The following NLGN1 variants were observed in gnomAD, a reference collection of about 807,000 sequenced individuals.
NLGN1 encodes neuroligin-1.
A neutral mutation model predicts 65.5 loss-of-function variants in NLGN1; 12 were observed. The ratio of observed to expected loss-of-function variants is 0.18; its 90% confidence interval spans 0.12 to 0.30. NLGN1 has a LOEUF of 0.30. NLGN1 is among the 10% of genes least tolerant of loss of function. The probability of loss-of-function intolerance (pLI) is 1.00; values close to 1 mark genes in which losing one functional copy is unlikely to be tolerated. For missense variants in NLGN1, 750 were observed against 1,007.1 expected, an observed-to-expected ratio of 0.74 and a Z score of 3.46; for synonymous variants, 350 against 359.5, an observed-to-expected ratio of 0.97 and a Z score of 0.30.
At chr3:173,806,109 T>C (rs1716585068) in intron 3 of NLGN1, among the ~76,000 whole-genome samples, 1 of 152,142 alleles carries the variant, frequency 6.6e-6, no homozygotes, top group African/African-American at 2.4e-5. Flanking sequence ...AGTAACTTTA[T>C]ACACTGGTAT....
intron 3 of NLGN1, among the ~76,000 whole-genome samples, chr3:173,621,976 T>C (rs913479349): frequency 1.3e-5 from 2 of 152,098 alleles, no homozygotes; most frequent in Non-Finnish European, 1.5e-5. Flanking sequence ...AATATTAACC[T>C]CATCAATTCA....
At chr3:173,983,628 C>G (rs577942502) in intron 4 of NLGN1, among the ~76,000 whole-genome samples, 1 of 152,068 alleles carries the variant, frequency 6.6e-6, no homozygotes, top group Non-Finnish European at 1.5e-5. Context: ...GTCTCTGACT[C>G]GTGCCCAGTA....
At chr3:173,628,632 G>T (rs1055032990) in intron 3 of NLGN1, among the ~76,000 whole-genome samples, 3 of 151,706 alleles carry the variant, frequency 2.0e-5, no homozygotes, top group African/African-American at 7.3e-5. Context: ...CTTACTTGGG[G>T]TCTGATGTAG....
intron 4 of NLGN1, among the ~76,000 whole-genome samples, chr3:173,962,303 G>A (rs889515835): frequency 2.6e-5 from 4 of 152,056 alleles, no homozygotes; most frequent in Admixed American, 1.3e-4. Flanking sequence ...ATATTAGGAA[G>A]AGGTTAAATA....
intron 4 of NLGN1, among the ~76,000 whole-genome samples, chr3:174,024,153 A>C (rs1314150031): frequency 5.3e-5 from 8 of 151,582 alleles, no homozygotes; most frequent in African/African-American, 1.4e-4. Flanking sequence ...AAAAAAAAAA[A>C]AAAAAAAAAA....
chr3:173,810,269 A>G (rs1717610903), intron 4 of NLGN1, among the ~76,000 whole-genome samples: 2 of 152,236 alleles, frequency 1.3e-5, no homozygotes, highest in Admixed American at 1.3e-4. Context: ...CAGAACTGCA[A>G]CAATAAAGAC....
At chr3:173,957,855 G>T (rs150155601) in intron 4 of NLGN1, among the ~76,000 whole-genome samples, 400 of 152,304 alleles carry the variant, frequency 2.6e-3, no homozygotes, top group African/African-American at 9.2e-3. Flanking sequence ...AGCCTGGCAG[G>T]CTGTGCTCAG....
At chr3:173,918,656 A>C (rs2152252758) in intron 4 of NLGN1, among the ~76,000 whole-genome samples, 1 of 112,878 alleles carries the variant, frequency 8.9e-6, no homozygotes, top group East Asian at 2.5e-4. Flanking sequence ...AAAAAGAAAT[A>C]CATATGTGTG....
At position 173,569,962 on chromosome 3, in the gene NLGN1, A is replaced by G. The variant is rs989635380; in HGVS notation, c.-320-34317A>G. On this transcript the variant is annotated intron_variant, in intron 2 of 6. Coordinates refer to ENST00000457714, the Ensembl canonical transcript of NLGN1. ...TCTGATTATGATACTCAATAGATTCAAAATGCTGGGGAACAAAGGTAGGAA... is the reference window on the plus strand; with the variant it reads ...TCTGATTATGATACTCAATAGATTCGAAATGCTGGGGAACAAAGGTAGGAA... Among the ~76,000 whole-genome samples the G allele has an allele frequency of 6.7e-4, 102 of 152,342 alleles. 1 individual carries two copies. Among genetic ancestry groups the G allele is most frequent in the African/African-American group, 2.3e-3 (96 of 41,572 alleles).
chr3:173,992,988 C>T (rs549952395), intron 4 of NLGN1, among the ~76,000 whole-genome samples: 35 of 152,130 alleles, frequency 2.3e-4, no homozygotes, highest in Admixed American at 4.6e-4. Flanking sequence ...GATTGTGTGG[C>T]GTAATAGTAC....
intron 4 of NLGN1, among the ~76,000 whole-genome samples, chr3:173,963,587 G>A (rs1183622686): frequency 2.6e-5 from 4 of 151,782 alleles, no homozygotes; most frequent in African/African-American, 7.3e-5. Flanking sequence ...TTTGTGGACT[G>A]AGAAGAAAAA....
intron 4 of NLGN1, among the ~76,000 whole-genome samples, chr3:174,242,013 C>G (rs778978511): frequency 5.9e-5 from 9 of 152,134 alleles, no homozygotes; most frequent in Non-Finnish European, 1.2e-4. Flanking sequence ...AGCTCTGTTT[C>G]ATGAAGCACT....
chr3:173,929,084 G>A (rs1743561538), intron 4 of NLGN1, among the ~76,000 whole-genome samples: 1 of 152,086 alleles, frequency 6.6e-6, no homozygotes, highest in Non-Finnish European at 1.5e-5. Context: ...AGTGAAATAG[G>A]TTCTATGTAT....
At position 173,438,046 on chromosome 3, in the gene NLGN1, A is replaced by G. The variant is rs7340577; in HGVS notation, c.-321+2968A>G. 5.5e-4 allele frequency among the ~76,000 whole-genome samples: 83 copies of G among 152,086 alleles called. 1 individual carries two copies. The highest frequency in any genetic ancestry group is 1.9e-3 in the African/African-American group (77 of 41,448). On this transcript the variant is annotated intron_variant, in intron 2 of 6. Coordinates refer to ENST00000457714, the Ensembl canonical transcript of NLGN1. Reference sequence around the variant, plus strand: ...GATTTTTTTTTAACATTGCAGATTTATTATCAAGGGAAGTGAGTCCTGAAG... The same window carrying G: ...GATTTTTTTTTAACATTGCAGATTTGTTATCAAGGGAAGTGAGTCCTGAAG...
chr3:173,898,651 A>G (rs1262784814), intron 4 of NLGN1, among the ~76,000 whole-genome samples: 1 of 152,162 alleles, frequency 6.6e-6, no homozygotes, highest in East Asian at 1.9e-4. Context: ...TTGGGTGTGT[A>G]TGTTTTACAG....
chr3:173,495,611 G>A (rs1390857839), intron 2 of NLGN1, among the ~76,000 whole-genome samples: 1 of 146,970 alleles, frequency 6.8e-6, no homozygotes, highest in Non-Finnish European at 1.5e-5. Flanking sequence ...ATTAGCTGTA[G>A]CATTTTCTAG....
At chr3:173,426,697 T>G (rs1716175531) in intron 1 of NLGN1, among the ~76,000 whole-genome samples, 1 of 152,052 alleles carries the variant, frequency 6.6e-6, no homozygotes, top group Non-Finnish European at 1.5e-5. Flanking sequence ...TGATGAATAA[T>G]CTTTTTGATA....
rs567517883 is a variant in NLGN1, at chr3:173,885,150, A to G, written c.646+77318A>G. Reference sequence around the variant, plus strand: ...ATTCAGTTGAAATTTCACTATCTCCATAGATCTGAGGGTCTTTAATCTAGC... The same window carrying G: ...ATTCAGTTGAAATTTCACTATCTCCGTAGATCTGAGGGTCTTTAATCTAGC... On this transcript the variant is annotated intron_variant, in intron 4 of 6. Transcript: ENST00000457714. Among the ~76,000 whole-genome samples, 34 of 152,332 alleles carry G rather than the reference A, an allele frequency of 2.2e-4. No homozygotes were observed. In the South Asian group the frequency reaches 6.2e-3, roughly 28 times the overall value.
At chr3:173,489,083 T>C (rs1728645108) in intron 2 of NLGN1, among the ~76,000 whole-genome samples, 1 of 152,026 alleles carries the variant, frequency 6.6e-6, no homozygotes, top group Non-Finnish European at 1.5e-5. Flanking sequence ...ACTTTTTTTT[T>C]CTTTTTTTAT....
Sources: gnomAD v4.1 joint callset for allele counts (sites outside exome capture counted in the v4.1 genomes callset) on GRCh38, gnomAD v4.1.1 for gene constraint, MANE v1.5 for transcripts, NCBI Gene and HGNC (gene_info 2026-07-23, HGNC 2026-07-21) for gene names.